Variants in TRIM2 observed in about 807,000 individuals in gnomAD.
The protein encoded by TRIM2 is tripartite motif-containing protein 2.
In TRIM2, 20 loss-of-function variants were observed where a neutral mutation model predicts 75.2. That is an observed-to-expected ratio of 0.27 (90% CI 0.19 to 0.39). The LOEUF (loss-of-function observed/expected upper bound fraction) is 0.39. Among genes scored for constraint, TRIM2 ranks in the 10% least tolerant of loss-of-function variants. TRIM2 has a pLI of 1.00. For missense variants in TRIM2, 660 were observed against 990.8 expected, an observed-to-expected ratio of 0.67 and a Z score of 4.48; for synonymous variants, 373 against 388.3, an observed-to-expected ratio of 0.96 and a Z score of 0.46.
At chr4:153,221,800 GAGGAAGGAAGGGAGGGAGGGAGGAAAT>G (rs1740167351) in intron 1 of TRIM2, among the ~76,000 whole-genome samples, 13 of 51,076 alleles carry the variant, frequency 2.5e-4, no homozygotes, top group Admixed American at 1.3e-3. Context: ...AGGAAAGAGC[GAGGAAGGAAGGGAGGGAGGGAGGAAAT>G]GAAGGAAGGA....
At chr4:153,211,739 C>T (rs905223212) in intron 1 of TRIM2, among the ~76,000 whole-genome samples, 6 of 152,012 alleles carry the variant, frequency 3.9e-5, no homozygotes, top group African/African-American at 1.5e-4. Flanking sequence ...CTCTGCCCAC[C>T]TGGGCCTCCC....
chr4:153,237,484 G>A (rs1745332282), intron 1 of TRIM2, among the ~76,000 whole-genome samples: 1 of 152,068 alleles, frequency 6.6e-6, no homozygotes, highest in South Asian at 2.1e-4. Context: ...TTTGAGACCA[G>A]CCTGACCAAC....
intron 1 of TRIM2, among the ~76,000 whole-genome samples, chr4:153,189,576 C>T (rs974800486): frequency 6.6e-6 from 1 of 152,078 alleles, no homozygotes; most frequent in African/African-American, 2.4e-5. Flanking sequence ...ATCCCCTGTC[C>T]ACTATTCCAC....
chr4:153,195,343 T>A (rs1179449621), intron 1 of TRIM2, among the ~76,000 whole-genome samples: 1 of 151,968 alleles, frequency 6.6e-6, no homozygotes, highest in Admixed American at 6.6e-5. Flanking sequence ...CAAAACCCCA[T>A]CTCTACAAAA....
At chr4:153,267,881 T>G (rs1391119127) in intron 1 of TRIM2, among the ~76,000 whole-genome samples, 1 of 152,076 alleles carries the variant, frequency 6.6e-6, no homozygotes, top group African/African-American at 2.4e-5. Context: ...GGGATTGCAA[T>G]GGAGAAAGAG....
intron 1 of TRIM2, among the ~76,000 whole-genome samples, chr4:153,207,282 T>C (rs1365415064): frequency 6.6e-6 from 1 of 152,148 alleles, no homozygotes; most frequent in Non-Finnish European, 1.5e-5. Flanking sequence ...GCCTATGCGG[T>C]GCGGTGGCCG....
intron 6 of TRIM2, among the ~76,000 whole-genome samples, chr4:153,306,567 G>A (rs764032473): frequency 1.3e-4 from 20 of 152,192 alleles, no homozygotes; most frequent in South Asian, 2.1e-4. Flanking sequence ...AAAGATAGGC[G>A]TTGTAGTTCA....
chr4:153,220,924 A>T (rs368742169), intron 1 of TRIM2, among the ~76,000 whole-genome samples: 1 of 152,184 alleles, frequency 6.6e-6, no homozygotes, highest in East Asian at 1.9e-4. Context: ...TTTGGAAAAC[A>T]GTCTGGCAGT....
At position 153,322,739 on chromosome 4, in the gene TRIM2, G is replaced by A. The variant is rs1769284254; in HGVS notation, c.1874G>A (p.Cys625Tyr). Residue 625 changes from cysteine (C) to tyrosine (Y), a missense_variant, in exon 9 of 12, where the codon TGC (cysteine) becomes TAC (tyrosine). This residue lies in a region of TRIM2 where 620 missense variants were observed against 891.0 expected (regional missense o/e 0.70). Transcript: ENST00000338700. ...ATTGTTGTGGACAACAAGGCGTGCTGCGTGTTTATCTTCCAGCCAAACGGG... is the reference window on the plus strand; with the variant it reads ...ATTGTTGTGGACAACAAGGCGTGCTACGTGTTTATCTTCCAGCCAAACGGG... ...HIIVVDNKAC[C>Y]VFIFQPNGKI... 6.2e-7 allele frequency: 1 copy of A among 1,614,244 alleles called. No homozygotes were observed. The highest frequency in any genetic ancestry group is 8.5e-7 in the Non-Finnish European group (1 of 1,180,048).
chr4:153,167,766 C>T (rs138682196), intron 1 of TRIM2, among the ~76,000 whole-genome samples: 1,798 of 152,224 alleles, frequency 0.012, 29 homozygotes, highest in African/African-American at 0.038. Flanking sequence ...GAGAAAAGAG[C>T]GCAGACTTAG....
At chr4:153,224,602 G>T (rs1384104932) in intron 1 of TRIM2, among the ~76,000 whole-genome samples, 1 of 152,142 alleles carries the variant, frequency 6.6e-6, no homozygotes, top group Admixed American at 6.5e-5. Context: ...TTGTTTAGAT[G>T]ACTGTCTCTT....
intron 1 of TRIM2, among the ~76,000 whole-genome samples, chr4:153,195,238 G>C (rs1387555239): frequency 1.3e-5 from 2 of 152,206 alleles, no homozygotes; most frequent in African/African-American, 4.8e-5. Context: ...ATTGCTGGCA[G>C]CTAGGCACGG....
At chr4:153,169,773 G>A (rs1730663043) in intron 1 of TRIM2, among the ~76,000 whole-genome samples, 1 of 152,170 alleles carries the variant, frequency 6.6e-6, no homozygotes, top group African/African-American at 2.4e-5. Context: ...CTTGCACATA[G>A]TCTATAATTG....
At chr4:153,229,356 C>T (rs533150467) in intron 1 of TRIM2, among the ~76,000 whole-genome samples, 30 of 152,296 alleles carry the variant, frequency 2.0e-4, no homozygotes, top group African/African-American at 6.3e-4. Flanking sequence ...CTCCGCCTCC[C>T]GGGTTTAAAC....
chr4:153,214,481 C>T (rs1307428857), intron 1 of TRIM2, among the ~76,000 whole-genome samples: 3 of 152,140 alleles, frequency 2.0e-5, no homozygotes, highest in African/African-American at 7.2e-5. Context: ...TTTTGTAACT[C>T]AGAATCTTGG....
intron 2 of TRIM2, among the ~76,000 whole-genome samples, chr4:153,271,466 A>G (rs1030026955): frequency 2.0e-5 from 3 of 152,144 alleles, no homozygotes; most frequent in African/African-American, 4.8e-5. Context: ...GCAAGGTTCA[A>G]TTGCAAAAGA....
rs34423384 is a variant in TRIM2, at chr4:153,336,116, T to TTATA, written c.*1165_*1168dup. ...CATGATTAGGGTAAGATAGAATGTA[T>TTATA]TATATATATATATATATACACACAC... On this transcript the variant is annotated 3_prime_UTR_variant, in exon 12 of 12. Coordinates refer to ENST00000338700, the MANE Select transcript of TRIM2 (RefSeq NM_015271.5). The TTATA allele has an allele frequency of 0.012, 11,146 of 913,598 alleles. 216 individuals are homozygous for TTATA. Among genetic ancestry groups the TTATA allele is most frequent in the African/African-American group, 0.11 (5,653 of 53,834 alleles). 56.6% of individuals were successfully genotyped at this position (913,598 alleles called of 1,614,324 possible).
intron 1 of TRIM2, among the ~76,000 whole-genome samples, chr4:153,168,061 A>G (rs1276269857): frequency 6.6e-6 from 1 of 152,218 alleles, no homozygotes; most frequent in Non-Finnish European, 1.5e-5. Context: ...GAGAAAATGT[A>G]GCCAGCTACT....
intron 6 of TRIM2, among the ~76,000 whole-genome samples, chr4:153,310,984 G>A (rs1188127345): frequency 6.6e-6 from 1 of 152,160 alleles, no homozygotes; most frequent in East Asian, 1.9e-4. Context: ...CCTCTTTCCA[G>A]CAGTGTGGTC....
Sources: gnomAD v4.1 joint callset for allele counts (sites outside exome capture counted in the v4.1 genomes callset) on GRCh38, gnomAD v4.1.1 for gene constraint, gnomAD v4.1.1 regional missense constraint, MANE v1.5 for transcripts, NCBI Gene and HGNC (gene_info 2026-07-23, HGNC 2026-07-21) for gene names.